KHDRBS2: variants seen among roughly 807,000 people sequenced by gnomAD.
KHDRBS2 encodes KH RNA binding domain containing, signal transduction associated 2, also known as KH domain-containing, RNA-binding, signal transduction-associated protein 2.
In KHDRBS2, 26 loss-of-function variants were observed where a neutral mutation model predicts 44.3. The observed-to-expected ratio is 0.59, with a 90% CI of 0.43 to 0.81. The LOEUF (loss-of-function observed/expected upper bound fraction) is 0.81. KHDRBS2 is among the 40% of genes least tolerant of loss of function. The pLI is 0.00. For missense variants in KHDRBS2, 476 were observed against 433.1 expected, an observed-to-expected ratio of 1.10 and a Z score of -0.88; for synonymous variants, 194 against 151.1, an observed-to-expected ratio of 1.28 and a Z score of -2.08.
chr6:61,903,910 T>C (rs924749779), intron 4 of KHDRBS2, among the ~76,000 whole-genome samples: 11 of 152,190 alleles, frequency 7.2e-5, no homozygotes, highest in Non-Finnish European at 1.5e-4. Flanking sequence ...TCTCCAGATA[T>C]CCTAAGCCAT....
At position 62,032,536 on chromosome 6, in the gene KHDRBS2, A is replaced by G. The variant is rs1472211263; in HGVS notation, c.336+15342T>C. On this transcript the variant is annotated intron_variant, in intron 3 of 8. Coordinates refer to ENST00000281156, the MANE Select transcript of KHDRBS2 (RefSeq NM_152688.4). ...TAAACTCCCATATATATTCATATATATACATATATATTATATATATGTATA... is the reference window on the plus strand; with the variant it reads ...TAAACTCCCATATATATTCATATATGTACATATATATTATATATATGTATA... Among the ~76,000 whole-genome samples, 42 of 149,534 alleles carry G rather than the reference A, an allele frequency of 2.8e-4. No individual in the cohort carries two copies. The Admixed American group carries it at 2.8e-3, about 10-fold the overall frequency.
chr6:61,587,765 T>A, the KHDRBS2 span, among the ~76,000 whole-genome samples: 1 of 152,214 alleles, frequency 6.6e-6, no homozygotes, highest in Non-Finnish European at 1.5e-5. Context: ...TACACTAAAC[T>A]GTCTCTGTCT....
intron 1 of KHDRBS2, among the ~76,000 whole-genome samples, chr6:62,275,346 A>G (rs1346255613): frequency 6.6e-6 from 1 of 152,072 alleles, no homozygotes; most frequent in Non-Finnish European, 1.5e-5. Flanking sequence ...CCTTTTCCAC[A>G]AGGTCTTGGA....
At chr6:61,843,696 T>A (rs1291066315) in intron 6 of KHDRBS2, among the ~76,000 whole-genome samples, 1 of 152,176 alleles carries the variant, frequency 6.6e-6, no homozygotes, top group Non-Finnish European at 1.5e-5. Context: ...CTTCATGTGC[T>A]ATGCATCTTT....
intron 7 of KHDRBS2, among the ~76,000 whole-genome samples, chr6:61,727,579 A>C (rs929641751): frequency 6.6e-6 from 1 of 152,174 alleles, no homozygotes; most frequent in African/African-American, 2.4e-5. Context: ...AAGGACCTTA[A>C]ACAAATTTAC....
chr6:61,895,942 T>C (rs1467139118), intron 5 of KHDRBS2, among the ~76,000 whole-genome samples: 3 of 152,152 alleles, frequency 2.0e-5, no homozygotes, highest in South Asian at 2.1e-4. Context: ...GCAAAACCTT[T>C]AAAATTTTTA....
At chr6:61,695,191 A>G (rs888559525) in intron 8 of KHDRBS2, among the ~76,000 whole-genome samples, 1 of 151,596 alleles carries the variant, frequency 6.6e-6, no homozygotes, top group African/African-American at 2.4e-5. Flanking sequence ...CTTTTTACCA[A>G]GTCTACTGAA....
intron 2 of KHDRBS2, among the ~76,000 whole-genome samples, chr6:62,068,738 T>C (rs1794326289): frequency 6.6e-6 from 1 of 151,582 alleles, no homozygotes. Context: ...CCCAGTACCA[T>C]TTGTTGAAAA....
At chr6:62,134,467 A>G (rs1811055044) in intron 2 of KHDRBS2, among the ~76,000 whole-genome samples, 2 of 152,164 alleles carry the variant, frequency 1.3e-5, no homozygotes, top group Admixed American at 1.3e-4. Context: ...ACTTCTGCTT[A>G]GGGCATTGTG....
At chr6:62,063,931 G>T (rs971636168) in intron 2 of KHDRBS2, among the ~76,000 whole-genome samples, 1 of 144,164 alleles carries the variant, frequency 6.9e-6, no homozygotes, top group Non-Finnish European at 1.5e-5. Flanking sequence ...CTTCAGCAAA[G>T]TCTCAGGATA....
intron 6 of KHDRBS2, among the ~76,000 whole-genome samples, chr6:61,845,563 C>A (rs1794282472): frequency 6.6e-6 from 1 of 152,108 alleles, no homozygotes; most frequent in Non-Finnish European, 1.5e-5. Flanking sequence ...CCGCCTTGGC[C>A]TCCCAAAATG....
chr6:62,018,802 T>C (rs1385033176), intron 3 of KHDRBS2, among the ~76,000 whole-genome samples: 1 of 152,214 alleles, frequency 6.6e-6, no homozygotes, highest in Non-Finnish European at 1.5e-5. Flanking sequence ...TTACTGATTT[T>C]CCCATTAAAT....
rs140570376 is a variant in KHDRBS2 at position 62,083,368 on chromosome 6, C to T, written c.220-35374G>A. Among the ~76,000 whole-genome samples the T allele has an allele frequency of 4.3e-3, 658 of 152,270 alleles. 1 individual carries two copies. The highest frequency in any genetic ancestry group is 6.7e-3 in the Non-Finnish European group (458 of 68,022). On this transcript the variant is annotated intron_variant, in intron 2 of 8. Transcript: ENST00000281156. Reference sequence around the variant, plus strand: ...CCCATCCTATTGAGGGCCACTTTCACTGGCAATAAAATCTTCTGCATTTAC... The same window carrying T: ...CCCATCCTATTGAGGGCCACTTTCATTGGCAATAAAATCTTCTGCATTTAC...
At chr6:61,638,349 G>A in the KHDRBS2 span, among the ~76,000 whole-genome samples, 252 of 152,036 alleles carry the variant, frequency 1.7e-3, 2 homozygotes, top group African/African-American at 5.7e-3. Context: ...CAGAAATAAT[G>A]CCGCATATCT....
At chr6:61,959,089 G>A (rs555970748) in intron 4 of KHDRBS2, among the ~76,000 whole-genome samples, 21 of 152,262 alleles carry the variant, frequency 1.4e-4, no homozygotes, top group African/African-American at 5.1e-4. Context: ...TGTCCACAAT[G>A]TTTAAACATT....
chr6:61,892,142 C>T lies in KHDRBS2; in HGVS notation c.810+2493G>A, dbSNP rs1218714388. 2.0e-5 allele frequency among the ~76,000 whole-genome samples: 3 copies of T among 152,196 alleles called. No individual in the cohort carries two copies. The East Asian group carries it at 5.8e-4, about 29-fold the overall frequency. On this transcript the variant is annotated intron_variant, in intron 6 of 8. Coordinates refer to ENST00000281156, the MANE Select transcript of KHDRBS2 (RefSeq NM_152688.4). ...AGAGAGCCAAATCATGAGTGAACTC[C>T]CATTCACAATTGCTTCAAAGAGAAT...
intron 6 of KHDRBS2, among the ~76,000 whole-genome samples, chr6:61,774,941 C>T (rs532025841): frequency 6.6e-6 from 1 of 152,166 alleles, no homozygotes; most frequent in African/African-American, 2.4e-5. Context: ...GGCTCATCCA[C>T]CATGATCAAG....
chr6:62,076,341 A>C (rs1796333096), intron 2 of KHDRBS2, among the ~76,000 whole-genome samples: 1 of 152,028 alleles, frequency 6.6e-6, no homozygotes, highest in Non-Finnish European at 1.5e-5. Context: ...GACATGATTA[A>C]ATTATAATTA....
the KHDRBS2 span, among the ~76,000 whole-genome samples, chr6:61,603,693 T>G: frequency 3.2e-4 from 48 of 152,148 alleles, no homozygotes; most frequent in African/African-American, 1.2e-3. Context: ...AAAATCTATT[T>G]TCTTCCTCCC....
Sources: allele counts gnomAD v4.1 joint callset (sites outside exome capture counted in the v4.1 genomes callset), GRCh38; gene constraint gnomAD v4.1.1; transcripts MANE v1.5; gene names NCBI Gene and HGNC (gene_info 2026-07-23, HGNC 2026-07-21).